The following GPR149 variants were observed in gnomAD, a reference collection of about 807,000 sequenced individuals.
GPR149 encodes G protein-coupled receptor 149.
In GPR149, 50 loss-of-function variants were observed where a neutral mutation model predicts 50.2. The ratio of observed to expected loss-of-function variants is 1.00; its 90% CI spans 0.79 to 1.26. The LOEUF (loss-of-function observed/expected upper bound fraction) is 1.26. GPR149 is among the 50% of genes most tolerant of loss of function. The pLI is 0.00. For synonymous variants in GPR149, 405 were observed against 358.2 expected, an observed-to-expected ratio of 1.13 and a Z score of -1.48; for missense variants, 983 against 895.4, an observed-to-expected ratio of 1.10 and a Z score of -1.25.
Position 154,427,719 on chromosome 3 carries a change from A to G in GPR149, c.982-11T>C. 1.9e-6 allele frequency: 3 copies of G among 1,606,538 alleles called. No individual in the cohort carries two copies. Among genetic ancestry groups the G allele is most frequent in the Non-Finnish European group, 2.5e-6 (3 of 1,176,654 alleles). Reference sequence around the variant, plus strand: ...GACCACCATGTGCATCTGCAAGGGCAAGAGAACTTCAGACCTAACCTAAAA... The same window carrying G: ...GACCACCATGTGCATCTGCAAGGGCGAGAGAACTTCAGACCTAACCTAAAA... On this transcript the variant is annotated splice_polypyrimidine_tract_variant and intron_variant, in intron 1 of 3. Coordinates refer to ENST00000389740, the MANE Select transcript of GPR149 (RefSeq NM_001038705.3).
intron 3 of GPR149, among the ~76,000 whole-genome samples, chr3:154,406,616 G>T: frequency 6.6e-6 from 1 of 152,136 alleles, no homozygotes; most frequent in South Asian, 2.1e-4. Flanking sequence ...AGTATTTATT[G>T]TTAAGGAAAA....
intron 3 of GPR149, among the ~76,000 whole-genome samples, chr3:154,374,154 CT>C (rs1553764319): frequency 5.8e-3 from 67 of 11,526 alleles, no homozygotes; most frequent in African/African-American, 0.01. Context: ...TTCTTTCTTT[CT>C]TTTCTTTTCT....
chr3:154,354,652 T>C, intron 3 of GPR149: 1 of 231,538 alleles, frequency 4.3e-6, no homozygotes, highest in South Asian at 1.0e-4. Flanking sequence ...AGGGACCATT[T>C]CTTAGTTTAA....
intron 3 of GPR149, among the ~76,000 whole-genome samples, chr3:154,385,606 A>G (rs968189270): frequency 1.3e-5 from 2 of 151,926 alleles, no homozygotes; most frequent in East Asian, 1.9e-4. Flanking sequence ...AATCACATCT[A>G]CACATGAACT....
chr3:154,389,828 G>T (rs1419595622), intron 3 of GPR149, among the ~76,000 whole-genome samples: 6 of 152,178 alleles, frequency 3.9e-5, no homozygotes, highest in Non-Finnish European at 2.9e-5. Flanking sequence ...GTTTGAAATA[G>T]TAAGTTAACA....
intron 3 of GPR149, among the ~76,000 whole-genome samples, chr3:154,374,169 C>CTTTTTTTTTTTTTTTTTTTTT (rs3069044): frequency 3.9e-5 from 4 of 103,174 alleles, no homozygotes; most frequent in African/African-American, 7.8e-5. Flanking sequence ...CTTTTCTTTT[C>CTTTTTTTTTTTTTTTTTTTTT]TTTTTTTTTT....
In GPR149 at chr3:154,371,673, T is replaced by C. The variant is rs541903712; in HGVS notation, c.1624-33402A>G. 2.6e-5 allele frequency among the ~76,000 whole-genome samples: 4 copies of C among 152,284 alleles called. No homozygotes were observed. In the South Asian group the frequency reaches 6.2e-4, roughly 24 times the overall value. On this transcript the variant is annotated intron_variant, in intron 3 of 3. Transcript: ENST00000389740. The stretch of plus-strand genomic sequence containing the variant: ...AAAAAAGGAGGAACTTGCCTCTTCT[T>C]AGGAAAAGAATGTTGCTATTTTGTT...
chr3:154,420,245 C>T (rs1474383738), intron 3 of GPR149, among the ~76,000 whole-genome samples: 2 of 151,720 alleles, frequency 1.3e-5, no homozygotes, highest in Non-Finnish European at 2.9e-5. Flanking sequence ...ACTCCTTTTT[C>T]CTAGGAAATC....
intron 3 of GPR149, among the ~76,000 whole-genome samples, chr3:154,403,577 C>A (rs1400496698): frequency 2.0e-5 from 3 of 151,930 alleles, no homozygotes; most frequent in South Asian, 2.1e-4. Flanking sequence ...TTCTTTTTTG[C>A]TAACTTTATG....
chr3:154,402,609 G>A (rs1220757719), intron 3 of GPR149, among the ~76,000 whole-genome samples: 23 of 151,934 alleles, frequency 1.5e-4, no homozygotes, highest in Admixed American at 1.5e-3. Context: ...GAAAAAAAAA[G>A]CTGTAAGACC....
intron 3 of GPR149, among the ~76,000 whole-genome samples, chr3:154,420,627 T>C (rs999586675): frequency 2.0e-5 from 3 of 151,966 alleles, no homozygotes; most frequent in African/African-American, 7.2e-5. Flanking sequence ...GTTGTATAAA[T>C]ATTTGCCTTT....
intron 3 of GPR149, among the ~76,000 whole-genome samples, chr3:154,385,018 G>T (rs2108408785): frequency 6.6e-6 from 1 of 152,330 alleles, no homozygotes; most frequent in Non-Finnish European, 1.5e-5. Context: ...TTTTGCGTGT[G>T]ATAGTATGTG....
Position 154,338,109 on chromosome 3 carries a change from T to A in GPR149, c.1786A>T (p.Ser596Cys). 6.2e-7 allele frequency: 1 copy of A among 1,614,180 alleles called. No individual in the cohort carries two copies. Among genetic ancestry groups the A allele is most frequent in the Non-Finnish European group, 8.5e-7 (1 of 1,180,026 alleles). The stretch of plus-strand genomic sequence containing the variant: ...TCTGAGTTTGGTTCATGGCCAACAC[T>A]TTTGGATCGATAGACTTCTATTTTC... ...SKKIEVYRSK[S>C]VGHEPNSEDS... Residue 596 changes from serine (S) to cysteine (C), a missense_variant, in exon 4 of 4, where the codon AGT (serine) becomes TGT (cysteine). By Grantham distance (112) the Ser-to-Cys change is moderately radical (BLOSUM62 -1). Coordinates refer to ENST00000389740, the MANE Select transcript of GPR149 (RefSeq NM_001038705.3).
At position 154,352,374 on chromosome 3, in the gene GPR149, G is replaced by T. The variant is rs542540439; in HGVS notation, c.1624-14103C>A. 3 of 1,118,542 alleles carry T rather than the reference G, an allele frequency of 2.7e-6. No homozygotes were observed. In the South Asian group the frequency reaches 4.2e-5, roughly 16 times the overall value. 69.3% of individuals were successfully genotyped at this position (1,118,542 alleles called of 1,614,324 possible). A position where few individuals can be genotyped will look rare whatever the true frequency, so the allele number is the denominator to read the frequency against. ...ATATTCTTCAATTTCAGGTAATTTG[G>T]CTGGCACTGAGAGTATCCAGTTGGA... On this transcript the variant is annotated intron_variant, in intron 3 of 3. Coordinates refer to ENST00000389740, the MANE Select transcript of GPR149 (RefSeq NM_001038705.3).
At chr3:154,365,029 T>C (rs902590365) in intron 3 of GPR149, among the ~76,000 whole-genome samples, 6 of 152,168 alleles carry the variant, frequency 3.9e-5, no homozygotes, top group Non-Finnish European at 7.4e-5. Context: ...TACTGGAGAC[T>C]CTCTGCAGCC....
chr3:154,351,426 A>G (rs1714079808), intron 3 of GPR149, among the ~76,000 whole-genome samples: 1 of 151,998 alleles, frequency 6.6e-6, no homozygotes, highest in Non-Finnish European at 1.5e-5. Flanking sequence ...ATGTAAAACT[A>G]AAAATTTTAT....
intron 3 of GPR149, chr3:154,352,623 T>C: frequency 1.3e-6 from 1 of 777,878 alleles, no homozygotes. Context: ...CAAAACTTGA[T>C]GCACCAGAAA....
At chr3:154,361,405 A>G (rs1305790910) in intron 3 of GPR149, among the ~76,000 whole-genome samples, 1 of 152,238 alleles carries the variant, frequency 6.6e-6, no homozygotes, top group Non-Finnish European at 1.5e-5. Flanking sequence ...TACGTGTCCT[A>G]ATAAAATCTA....
chr3:154,345,194 A>G (rs984807739), intron 3 of GPR149, among the ~76,000 whole-genome samples: 1 of 152,222 alleles, frequency 6.6e-6, no homozygotes, highest in African/African-American at 2.4e-5. Flanking sequence ...TGTCCTTTTC[A>G]GATTTCATAT....
Sources: gnomAD v4.1 joint callset for allele counts (sites outside exome capture counted in the v4.1 genomes callset) on GRCh38, gnomAD v4.1.1 for gene constraint, MANE v1.5 for transcripts, NCBI Gene and HGNC (gene_info 2026-07-23, HGNC 2026-07-21) for gene names.